LSM4: variants seen among roughly 807,000 people sequenced by gnomAD.
LSM4 encodes the protein LSM4 homolog, U6 small nuclear RNA and mRNA degradation associated.
A neutral mutation model predicts 22.3 loss-of-function variants in LSM4; 15 were observed. The ratio of observed to expected loss-of-function variants is 0.67; its 90% CI spans 0.45 to 1.03. The LOEUF (loss-of-function observed/expected upper bound fraction) is 1.03. LSM4 is among the 50% of genes least tolerant of loss of function. The probability of loss-of-function intolerance (pLI) is 0.00; values close to 1 mark genes in which losing one functional copy is unlikely to be tolerated. For synonymous variants in LSM4, 90 were observed against 79.8 expected, an observed-to-expected ratio of 1.13 and a Z score of -0.68; for missense variants, 127 against 198.0, an observed-to-expected ratio of 0.64 and a Z score of 2.15.
intron 1 of LSM4, among the ~76,000 whole-genome samples, chr19:18,320,117 A>G (rs560834751): frequency 2.0e-5 from 3 of 152,292 alleles, no homozygotes; most frequent in South Asian, 2.1e-4. Context: ...CTGTGACCAT[A>G]TATCTTGATT....
chr19:18,310,236 G>A (rs996464240), intron 3 of LSM4: 3 of 255,208 alleles, frequency 1.2e-5, no homozygotes, highest in South Asian at 6.2e-5. Flanking sequence ...AGCCCAGAGC[G>A]GGTGGGGGCC....
intron 1 of LSM4, 115 bp from the exon 2 acceptor site, chr19:18,316,180 G>A (rs780236548): frequency 3.5e-6 from 3 of 852,308 alleles, no homozygotes; most frequent in Middle Eastern, 2.7e-4. Context: ...GGGCACAGGA[G>A]TGCGTGTCAA....
intron 4 of LSM4, among the ~76,000 whole-genome samples, chr19:18,308,035 C>G (rs1054704872): frequency 5.3e-5 from 8 of 152,146 alleles, no homozygotes; most frequent in Admixed American, 3.9e-4. Flanking sequence ...TTCTGTGTAT[C>G]CAGCCCCAGG....
intron 2 of LSM4, among the ~76,000 whole-genome samples, chr19:18,313,544 G>GTC (rs1250592597): frequency 6.6e-6 from 1 of 152,216 alleles, no homozygotes; most frequent in Non-Finnish European, 1.5e-5. Flanking sequence ...ATGAGACAGG[G>GTC]TCTTGCTCTG....
At chr19:18,307,684 T>C (rs1970245351) in intron 4 of LSM4, 129 bp from the exon 5 acceptor site, 3 of 608,682 alleles carry the variant, frequency 4.9e-6, no homozygotes, top group Non-Finnish European at 8.0e-6. Flanking sequence ...TGTGAGGTGG[T>C]GACTGAGGGT....
chr19:18,312,278 C>A, intron 3 of LSM4: 1 of 278,284 alleles, frequency 3.6e-6, no homozygotes, highest in East Asian at 8.7e-5. Context: ...CTAAAGGCAG[C>A]AGAGTCCGGG....
intron 1 of LSM4, among the ~76,000 whole-genome samples, chr19:18,320,534 C>T (rs886152014): frequency 6.6e-6 from 1 of 152,044 alleles, no homozygotes; most frequent in Non-Finnish European, 1.5e-5. Flanking sequence ...TGCAGTGGCT[C>T]ACGCCTGTAA....
At chr19:18,312,163 C>T (rs758214195) in intron 3 of LSM4, 2 of 162,054 alleles carry the variant, frequency 1.2e-5, no homozygotes, top group African/African-American at 2.4e-5. Context: ...GGCTCCTGAC[C>T]CACCGGGCCC....
intron 4 of LSM4, 83 bp downstream of exon 4, chr19:18,309,595 G>A (rs757216654): frequency 6.0e-5 from 86 of 1,443,868 alleles, no homozygotes; most frequent in Non-Finnish European, 2.5e-5. Context: ...AGGCAGCGCT[G>A]CAAGGGCAAC....
At chr19:18,322,980 C>A (rs772344194) in intron 1 of LSM4, 38 bp downstream of exon 1, 12 of 1,590,830 alleles carry the variant, frequency 7.5e-6, no homozygotes, top group Non-Finnish European at 8.5e-7. Context: ...CTGCTGTTCC[C>A]GCCTCCCGGT....
At chr19:18,322,282 C>T (rs1215235874) in intron 1 of LSM4, among the ~76,000 whole-genome samples, 1 of 152,182 alleles carries the variant, frequency 6.6e-6, no homozygotes, top group Non-Finnish European at 1.5e-5. Flanking sequence ...GGCCAGGAAA[C>T]TCCCAGCTCT....
In LSM4 at chr19:18,310,045, C is replaced by T. The variant is rs1399098625; in HGVS notation, c.145-184G>A. ...CCTGCAGGCAGGATCTGTCCTGACC[C>T]CAGGCAATCCTTCACCCAGGAGCAA... is the stretch of plus-strand genomic sequence containing the variant. On this transcript the variant is annotated intron_variant, in intron 3 of 4. Coordinates refer to ENST00000593829, the MANE Select transcript of LSM4 (RefSeq NM_012321.5). 4 of 583,762 alleles carry T rather than the reference C, an allele frequency of 6.9e-6. No individual in the cohort carries two copies. In the African/African-American group the frequency reaches 7.7e-5, roughly 11 times the overall value. The allele number at this position is 583,762 out of a possible 1,614,324, so 36.2% of individuals were successfully genotyped here.
rs1179743742 is a variant in LSM4 at position 18,306,347 on chromosome 19, T to C, written c.*1117A>G. The C allele has an allele frequency of 6.6e-6, 1 of 152,080 alleles. No homozygotes were observed. Among genetic ancestry groups the C allele is most frequent in the African/African-American group, 2.4e-5 (1 of 41,396 alleles). 9.4% of individuals were successfully genotyped at this position (152,080 alleles called of 1,614,324 possible). ...ACGGGCCGCTGCCTGGCTCAGGGCT[T>C]CCCTCTGGTTTCTTCACGGTCCACA... is the stretch of plus-strand genomic sequence containing the variant. On this transcript the variant is annotated 3_prime_UTR_variant, in exon 5 of 5. Coordinates refer to ENST00000593829, the MANE Select transcript of LSM4 (RefSeq NM_012321.5).
intron 4 of LSM4, 110 bp from the exon 5 acceptor site, chr19:18,307,665 TTCC>T (rs1394164524): frequency 1.3e-6 from 1 of 745,252 alleles, no homozygotes; most frequent in African/African-American, 1.8e-5. Context: ...CAGCCTCAGC[TTCC>T]TCATGTGTGA....
At chr19:18,310,512 A>G (rs565543485) in intron 3 of LSM4, among the ~76,000 whole-genome samples, 5 of 152,292 alleles carry the variant, frequency 3.3e-5, no homozygotes, top group African/African-American at 1.2e-4. Flanking sequence ...GAGCTAACCA[A>G]GACTGGAGAA....
At chr19:18,317,699 AT>A (rs963501107) in intron 1 of LSM4, among the ~76,000 whole-genome samples, 63 of 147,078 alleles carry the variant, frequency 4.3e-4, no homozygotes, top group Admixed American at 4.1e-4. Context: ...AACTTTCAAG[AT>A]TTTTTTTTTT....
At chr19:18,322,218 C>T (rs1423937928) in intron 1 of LSM4, among the ~76,000 whole-genome samples, 1 of 152,140 alleles carries the variant, frequency 6.6e-6, no homozygotes, top group Non-Finnish European at 1.5e-5. Context: ...AAGTCACATC[C>T]CCAACAAGGG....
At chr19:18,315,742 G>A (rs369033438) in intron 2 of LSM4, among the ~76,000 whole-genome samples, 29 of 151,984 alleles carry the variant, frequency 1.9e-4, no homozygotes, top group African/African-American at 6.0e-4. Flanking sequence ...GGCTGATCTC[G>A]AACTCCTGAG....
At chr19:18,316,944 T>C (rs1391175536) in intron 1 of LSM4, among the ~76,000 whole-genome samples, 6 of 152,078 alleles carry the variant, frequency 3.9e-5, no homozygotes, top group African/African-American at 1.4e-4. Flanking sequence ...TTTTTTTAGA[T>C]GAAGCCTTGC....
Sources: allele counts gnomAD v4.1 joint callset (sites outside exome capture counted in the v4.1 genomes callset), GRCh38; gene constraint gnomAD v4.1.1; transcripts MANE v1.5; gene names NCBI Gene and HGNC (gene_info 2026-07-23, HGNC 2026-07-21).